MRPL28: variants seen among roughly 807,000 people sequenced by gnomAD.
MRPL28 encodes mitochondrial ribosomal protein L28.
Under a neutral mutation model 26.2 loss-of-function variants are expected in MRPL28, and 25 were observed. The observed-to-expected ratio is 0.95, with a 90% CI of 0.69 to 1.33. The LOEUF is 1.33. Ranked by LOEUF, MRPL28 falls within the 40% of genes most tolerant of loss-of-function variation. The pLI, the probability that MRPL28 is intolerant of heterozygous loss-of-function variation, is 0.00. For missense variants in MRPL28, 432 were observed against 327.2 expected, an observed-to-expected ratio of 1.32 and a Z score of -2.47; for synonymous variants, 227 against 140.1, an observed-to-expected ratio of 1.62 and a Z score of -4.38.
chr16:370,037 C>T lies in MRPL28; in HGVS notation c.182G>A (p.Arg61His). Reference protein sequence around the residue: ...KINPKNGQRERVEDVPIPIYF... With the variant: ...KINPKNGQREHVEDVPIPIYF... Reference sequence around the variant, plus strand: ...GATGGGAATGGGCACGTCCTCCACACGCTCCCGCTGCCCGTTCTTGGGGTT... The same window carrying T: ...GATGGGAATGGGCACGTCCTCCACATGCTCCCGCTGCCCGTTCTTGGGGTT... The change falls in exon 2 of 6, where the codon CGT (arginine) becomes CAT (histidine). Residue 61 changes from arginine to histidine, a missense_variant. Coordinates refer to ENST00000199706, the MANE Select transcript of MRPL28 (RefSeq NM_006428.5). 6.2e-7 allele frequency: 1 copy of T among 1,613,212 alleles called. No individual in the cohort carries two copies. The highest frequency in any genetic ancestry group is 8.5e-7 in the Non-Finnish European group (1 of 1,179,844).
chr16:367,889 G>A, intron 5 of MRPL28, 107 bp from the exon 6 acceptor site: 2 of 884,298 alleles, frequency 2.3e-6, no homozygotes, highest in Non-Finnish European at 3.6e-6. Context: ...GGGCATGAGA[G>A]GCCCTGGAGG....
Position 368,359 on chromosome 16 carries a change from G to A in MRPL28, c.632C>T (p.Ala211Val), listed in dbSNP as rs1567318450. 4.3e-6 allele frequency: 7 copies of A among 1,613,592 alleles called. No homozygotes were observed. Among genetic ancestry groups the A allele is most frequent in the African/African-American group, 1.3e-5 (1 of 74,920 alleles). The change falls in exon 5 of 6, where the codon GCC becomes GTC. Residue 211 changes from alanine (A) to valine (V), a missense_variant. Ala to Val is a moderately conservative substitution (Grantham distance 64). Coordinates refer to ENST00000199706, the MANE Select transcript of MRPL28 (RefSeq NM_006428.5). ...CTCCAAAAGTCTCTGCTTCTCAATG[G>A]CCTCCTCCAGCGTGAGGCCCACCCA... The part of the protein sequence containing the change: ...AEWVGLTLEE[A>V]IEKQRLLEEK...
intron 3 of MRPL28, 153 bp downstream of exon 3, chr16:368,915 G>C: frequency 1.8e-6 from 2 of 1,109,382 alleles, no homozygotes; most frequent in Non-Finnish European, 2.5e-6. Context: ...CACTGGTGCT[G>C]GCCAGAAAGG....
rs768135190 is a variant in MRPL28 at position 370,077 on chromosome 16, C to T, written c.142G>A (p.Ala48Thr). Residue 48 changes from alanine to threonine, a missense_variant, in exon 2 of 6, where the codon GCC becomes ACC. Ala to Thr is a moderately conservative substitution (Grantham distance 58). Transcript: ENST00000199706. ...PTPVHYRPHG[A>T]KFKINPKNGQ... is the part of the protein sequence containing the mutation. ...TTCTTGGGGTTGATCTTGAACTTGGCCCCATGAGGCCTATAGTGCACGGGA... is the reference window on the plus strand; with the variant it reads ...TTCTTGGGGTTGATCTTGAACTTGGTCCCATGAGGCCTATAGTGCACGGGA... 9 of 1,612,270 alleles carry T rather than the reference C, an allele frequency of 5.6e-6. No individual in the cohort carries two copies. The highest frequency in any genetic ancestry group is 3.3e-5 in the Admixed American group (2 of 59,852).
intron 3 of MRPL28, 187 bp downstream of exon 3, chr16:368,881 G>A (rs925588471): frequency 2.0e-6 from 2 of 996,708 alleles, no homozygotes; most frequent in African/African-American, 3.3e-5. Context: ...CAGAGCGACA[G>A]CCTCTCCTGA....
chr16:369,315 C>A, intron 2 of MRPL28, 95 bp from the exon 3 acceptor site: 2 of 1,471,226 alleles, frequency 1.4e-6, no homozygotes, highest in South Asian at 2.5e-5. Context: ...CCCGGAGGCT[C>A]CATCACAGAA....
rs201751025 is a variant in MRPL28, at chr16:370,111, C to A, written c.108G>T (p.Arg36=). 201 of 1,609,906 alleles carry A rather than the reference C, an allele frequency of 1.2e-4. 1 individual carries two copies. In the South Asian group the frequency reaches 2.1e-3, roughly 17 times the overall value. ...GHYLRSLEEE[R]TPTPVHYRPH... is the part of the protein sequence containing the mutation. Reference sequence around the variant, plus strand: ...GCCTATAGTGCACGGGAGTGGGCGTCCGCTCCTCCTCCAGGGAGCGCAGGT... The same window carrying A: ...GCCTATAGTGCACGGGAGTGGGCGTACGCTCCTCCTCCAGGGAGCGCAGGT... The change falls in exon 2 of 6, where the codon CGG becomes CGT. Residue 36 remains arginine (R), a synonymous_variant. Coordinates refer to ENST00000199706, the MANE Select transcript of MRPL28 (RefSeq NM_006428.5).
intron 2 of MRPL28, 65 bp from the exon 3 acceptor site, chr16:369,285 G>GA: frequency 8.9e-6 from 14 of 1,577,570 alleles, no homozygotes; most frequent in South Asian, 1.1e-5. Context: ...GGGGGCCCAG[G>GA]CAACTGCCCT....
intron 1 of MRPL28, 58 bp downstream of exon 1, chr16:370,441 C>T (rs1338334290): frequency 1.1e-6 from 1 of 898,974 alleles, no homozygotes; most frequent in African/African-American, 3.2e-5. Context: ...GTCCCGCACC[C>T]ACCTGCCCCT....
rs752762303 is a variant in MRPL28 at position 368,494 on chromosome 16, C to A, written c.576+7G>T. The A allele has an allele frequency of 6.2e-7, 1 of 1,606,832 alleles. No individual in the cohort carries two copies. Among genetic ancestry groups the A allele is most frequent in the Admixed American group, 1.7e-5 (1 of 59,632 alleles). On this transcript the variant is annotated splice_region_variant and intron_variant, in intron 4 of 5. Transcript: ENST00000199706. ...CCAGGTGTAGGGAGCGGGACGGAAA[C>A]CCTCACCTTGTACTTGTCGTAGATG...
chr16:367,181 G>A lies in MRPL28; in HGVS notation c.*494C>T, dbSNP rs1304433074. 6.6e-6 allele frequency among the ~76,000 whole-genome samples: 1 copy of A among 152,142 alleles called. No homozygotes were observed. The highest frequency in any genetic ancestry group is 2.4e-5 in the African/African-American group (1 of 41,426). Reference sequence around the variant, plus strand: ...GATCGTGCCACTGCACTCCAGCCTGGGTGACTGAGCAAGACTCCGTCTCAA... The same window carrying A: ...GATCGTGCCACTGCACTCCAGCCTGAGTGACTGAGCAAGACTCCGTCTCAA... On this transcript the variant is annotated 3_prime_UTR_variant, in exon 6 of 6. Transcript: ENST00000199706.
chr16:370,237 T>TG lies in MRPL28; in HGVS notation c.-7-13dup, dbSNP rs2054311681. The TG allele has an allele frequency of 6.5e-7, 1 of 1,550,354 alleles. No individual in the cohort carries two copies. Among genetic ancestry groups the TG allele is most frequent in the African/African-American group, 1.4e-5 (1 of 72,942 alleles). On this transcript the variant is annotated splice_polypyrimidine_tract_variant and intron_variant, in intron 1 of 5. Coordinates refer to ENST00000199706, the MANE Select transcript of MRPL28 (RefSeq NM_006428.5). ...GAGGCATCGCGAGCCTGGCGGGAGGTGGGGGCTCGCAGTCAGTCGCAGCCT... is the reference window on the plus strand; with the variant it reads ...GAGGCATCGCGAGCCTGGCGGGAGGTGGGGGGCTCGCAGTCAGTCGCAGCCT...
chr16:369,913 G>T lies in MRPL28; in HGVS notation c.288+18C>A. ...CCAAGCCCTGAGAGGAGCCCCTGAA[G>T]GCCGCCTGCGGACCCACCTTGTCGT... On this transcript the variant is annotated intron_variant, in intron 2 of 5. Coordinates refer to ENST00000199706, the MANE Select transcript of MRPL28 (RefSeq NM_006428.5). The T allele has an allele frequency of 6.3e-7, 1 of 1,597,260 alleles. No individual in the cohort carries two copies. Among genetic ancestry groups the T allele is most frequent in the South Asian group, 1.1e-5 (1 of 89,186 alleles).
intron 2 of MRPL28, 57 bp downstream of exon 2, chr16:369,874 C>T: frequency 6.4e-7 from 1 of 1,561,242 alleles, no homozygotes; most frequent in Non-Finnish European, 8.6e-7. Flanking sequence ...GCGTCCGGCA[C>T]AGAGCCGGCA....
At chr16:369,654 TCA>T (rs1178702186) in intron 2 of MRPL28, 2 of 679,214 alleles carry the variant, frequency 2.9e-6, no homozygotes, top group African/African-American at 5.0e-5. Context: ...GCTCTGCTCA[TCA>T]CACAGGCCTC....
Position 369,097 on chromosome 16 carries a change from C to T in MRPL28, c.412G>A (p.Ala138Thr), listed in dbSNP as rs1330849396. 6.2e-7 allele frequency: 1 copy of T among 1,613,978 alleles called. No individual in the cohort carries two copies. The highest frequency in any genetic ancestry group is 1.7e-5 in the Admixed American group (1 of 60,016). Reference sequence around the variant, plus strand: ...AGGATGTAAAAGTCGAGCCCATAAGCCTCATCGATGAGGTCCAGGGTCCGC... The same window carrying T: ...AGGATGTAAAAGTCGAGCCCATAAGTCTCATCGATGAGGTCCAGGGTCCGC... ...TMRTLDLIDEAYGLDFYILKT... is the reference protein window; with the variant it reads ...TMRTLDLIDETYGLDFYILKT... Residue 138 changes from alanine to threonine, a missense_variant, in exon 3 of 6, where the codon GCT (alanine) becomes ACT (threonine). Ala to Thr is a moderately conservative substitution (Grantham distance 58). Coordinates refer to ENST00000199706, the MANE Select transcript of MRPL28 (RefSeq NM_006428.5).
rs776611731 is a variant in MRPL28 at position 367,422 on chromosome 16, G to A, written c.*253C>T. On this transcript the variant is annotated 3_prime_UTR_variant, in exon 6 of 6. Coordinates refer to ENST00000199706, the MANE Select transcript of MRPL28 (RefSeq NM_006428.5). ...CCTGGCCCAGACTTTACTCGCTCCC[G>A]GCCCCACGGGCACAAGGAACACTGC... is the stretch of plus-strand genomic sequence containing the variant. 1.5e-5 allele frequency: 11 copies of A among 712,626 alleles called. No individual in the cohort carries two copies. Among genetic ancestry groups the A allele is most frequent in the East Asian group, 5.4e-5 (2 of 37,164 alleles). 44.1% of individuals were successfully genotyped at this position (712,626 alleles called of 1,614,324 possible). A position where few individuals can be genotyped will look rare whatever the true frequency, so the allele number is the denominator to read the frequency against.
At position 367,764 on chromosome 16, in the gene MRPL28, T is replaced by C; in HGVS notation, c.682A>G (p.Lys228Glu). Residue 228 changes from lysine (K) to glutamate (E), a missense_variant, in exon 6 of 6, where the codon AAG becomes GAG. Physicochemically the swap from Lys to Glu is moderately conservative, Grantham distance 56. Transcript: ENST00000199706. ...LEEKDPVPLF[K>E]IYVAELIQQL... ...TGGATCAGCTCCGCCACATAGATCT[T>C]GAACAGGGGTACAGGGTCCTGAAGG... 3 of 1,613,768 alleles carry C rather than the reference T, an allele frequency of 1.9e-6. No homozygotes were observed. The highest frequency in any genetic ancestry group is 1.3e-5 in the African/African-American group (1 of 75,044).
At chr16:367,918 G>A in intron 5 of MRPL28, 136 bp from the exon 6 acceptor site, 1 of 695,276 alleles carries the variant, frequency 1.4e-6, no homozygotes, top group Non-Finnish European at 2.5e-6. Flanking sequence ...CTGTCGGTGA[G>A]ATGAGGAACC....
Sources: allele counts gnomAD v4.1 joint callset (sites outside exome capture counted in the v4.1 genomes callset), GRCh38; gene constraint gnomAD v4.1.1; transcripts MANE v1.5; gene names NCBI Gene and HGNC (gene_info 2026-07-23, HGNC 2026-07-21).